ZNF611: variants seen among roughly 807,000 people sequenced by gnomAD.
ZNF611 encodes zinc finger protein 611.
In ZNF611, 6 loss-of-function variants were observed where a neutral mutation model predicts 8.9. The ratio of observed to expected loss-of-function variants is 0.68; its 90% CI spans 0.37 to 1.34. ZNF611 has a LOEUF of 1.34. Ranked by LOEUF, ZNF611 falls within the 40% of genes most tolerant of loss-of-function variation. The pLI is 0.02. For synonymous variants in ZNF611, 262 were observed against 279.7 expected, an observed-to-expected ratio of 0.94 and a Z score of 0.63; for missense variants, 874 against 841.3, an observed-to-expected ratio of 1.04 and a Z score of -0.48.
chr19:52,705,398 G>T lies in ZNF611; in HGVS notation c.1657C>A (p.Leu553Met). Residue 553 changes from leucine to methionine, a missense_variant, in exon 6 of 6, where the codon CTG becomes ATG. Coordinates refer to ENST00000652185, the MANE Select transcript of ZNF611 (RefSeq NM_001161499.2). ...CTATGAATTCTAGTATGTTTTGCCA[G>T]ATAGGAATGACACGCAAAAGCCTTG... ...CDKAFACHSY[L>M]AKHTRIHSGE... 3 of 1,614,160 alleles carry T rather than the reference G, an allele frequency of 1.9e-6. No individual in the cohort carries two copies. Among genetic ancestry groups the T allele is most frequent in the Non-Finnish European group, 2.5e-6 (3 of 1,180,034 alleles).
chr19:52,726,973 C>T (rs534561480), intron 3 of ZNF611, among the ~76,000 whole-genome samples: 1 of 152,122 alleles, frequency 6.6e-6, no homozygotes, highest in East Asian at 1.9e-4. Context: ...TGAAGCTATT[C>T]GTCTGCCTCA....
At chr19:52,720,748 G>A (rs1011804459) in intron 3 of ZNF611, among the ~76,000 whole-genome samples, 9 of 151,490 alleles carry the variant, frequency 5.9e-5, no homozygotes, top group African/African-American at 2.2e-4. Context: ...AGACGGGGTG[G>A]CCAGGCAGAG....
At chr19:52,731,061 AT>A (rs200257033) in intron 1 of ZNF611, among the ~76,000 whole-genome samples, 1 of 150,238 alleles carries the variant, frequency 6.7e-6, no homozygotes, top group African/African-American at 2.5e-5. Context: ...ACCCCTGGCT[AT>A]TTTTTTTTGG....
chr19:52,721,373 C>T (rs1032042461), intron 3 of ZNF611: 6 of 178,296 alleles, frequency 3.4e-5, no homozygotes, highest in South Asian at 1.2e-4. Flanking sequence ...CACGCCACTG[C>T]ACTCTAGCCT....
At chr19:52,711,775 G>C (rs1174472551) in intron 5 of ZNF611, among the ~76,000 whole-genome samples, 1 of 152,148 alleles carries the variant, frequency 6.6e-6, no homozygotes, top group Non-Finnish European at 1.5e-5. Context: ...GAGTAGTGTT[G>C]GAGGGGAGGG....
rs1368259820 is a variant in ZNF611, at chr19:52,722,204, AT to A, written c.-19-6292del. 3.6e-4 allele frequency among the ~76,000 whole-genome samples: 55 copies of A among 152,118 alleles called. 1 individual carries two copies. The highest frequency in any genetic ancestry group is 3.1e-3 in the South Asian group (15 of 4,818). ...TACTGAAACCGTTTCTACAAAAAAA[AT>A]AAAATAAAATAAAAAATAAATAAAT... On this transcript the variant is annotated intron_variant, in intron 3 of 5. Coordinates refer to ENST00000652185, the MANE Select transcript of ZNF611 (RefSeq NM_001161499.2).
chr19:52,734,042 T>A (rs1284918995), intron 1 of ZNF611, among the ~76,000 whole-genome samples: 1 of 151,978 alleles, frequency 6.6e-6, no homozygotes, highest in African/African-American at 2.4e-5. Flanking sequence ...CTGCCCTGGC[T>A]CCAAATCCTT....
intron 1 of ZNF611, among the ~76,000 whole-genome samples, chr19:52,732,930 G>A (rs924201868): frequency 6.6e-6 from 1 of 151,398 alleles, no homozygotes; most frequent in Non-Finnish European, 1.5e-5. Context: ...CACCAGCCTG[G>A]GTGATAGAGT....
In ZNF611 at chr19:52,704,815, T is replaced by C; in HGVS notation, c.*122A>G. ...GTGAAGTCCAGTATGTTGTTCCAGG[T>C]GTGAATCACTCCCAAGTCTTGTCAG... On this transcript the variant is annotated 3_prime_UTR_variant, in exon 6 of 6. Transcript: ENST00000652185. 6.3e-7 allele frequency: 1 copy of C among 1,598,056 alleles called. No homozygotes were observed. Among genetic ancestry groups the C allele is most frequent in the Non-Finnish European group, 8.6e-7 (1 of 1,166,488 alleles).
chr19:52,730,382 A>C (rs2062417861), intron 1 of ZNF611, among the ~76,000 whole-genome samples: 1 of 115,780 alleles, frequency 8.6e-6, no homozygotes, highest in African/African-American at 3.5e-5. Flanking sequence ...ACAGAGCCAG[A>C]CTCCGTCTCA....
At chr19:52,719,121 A>G (rs2062337329) in intron 3 of ZNF611, among the ~76,000 whole-genome samples, 1 of 152,180 alleles carries the variant, frequency 6.6e-6, no homozygotes, top group African/African-American at 2.4e-5. Context: ...GTGAGTCAAG[A>G]TCACTCCACT....
chr19:52,711,608 G>C (rs1030436841), intron 5 of ZNF611, among the ~76,000 whole-genome samples: 1 of 151,754 alleles, frequency 6.6e-6, no homozygotes, highest in African/African-American at 2.4e-5. Flanking sequence ...TACAAGGACT[G>C]AGCTGGGACA....
chr19:52,727,271 GA>G (rs2062399028), intron 3 of ZNF611, among the ~76,000 whole-genome samples: 1 of 152,112 alleles, frequency 6.6e-6, no homozygotes, highest in African/African-American at 2.4e-5. Context: ...AATAGAGAAA[GA>G]AAGAATAACT....
chr19:52,715,898 T>A lies in ZNF611; in HGVS notation c.-4A>T, dbSNP rs764048820. 1 of 1,613,114 alleles carries A rather than the reference T, an allele frequency of 6.2e-7. No individual in the cohort carries two copies. The highest frequency in any genetic ancestry group is 1.7e-5 in the Admixed American group (1 of 59,972). On this transcript the variant is annotated 5_prime_UTR_variant, in exon 4 of 6. Coordinates refer to ENST00000652185, the MANE Select transcript of ZNF611 (RefSeq NM_001161499.2). Reference sequence around the variant, plus strand: ...GAGCTGCTTCCTCACGTAACATGAGTCTTTAGGAATCAATCCTGTATGTGA... The same window carrying A: ...GAGCTGCTTCCTCACGTAACATGAGACTTTAGGAATCAATCCTGTATGTGA...
At chr19:52,712,476 A>C (rs1211036097) in intron 5 of ZNF611, among the ~76,000 whole-genome samples, 1 of 147,558 alleles carries the variant, frequency 6.8e-6, no homozygotes, top group Non-Finnish European at 1.5e-5. Flanking sequence ...AAAAAAAAAA[A>C]AAAAAAAAAA....
At chr19:52,716,204 T>C (rs1426795759) in intron 3 of ZNF611, 9 of 289,580 alleles carry the variant, frequency 3.1e-5, no homozygotes, top group South Asian at 7.0e-5. Flanking sequence ...CCTTCATCAA[T>C]TGCCATCCAG....
chr19:52,704,239 C>G lies in ZNF611; in HGVS notation c.*698G>C. Reference sequence around the variant, plus strand: ...GAATTGACTCCAATGTCAATTAATGCTTGATGGTTTGCTATACTCATTTCA... The same window carrying G: ...GAATTGACTCCAATGTCAATTAATGGTTGATGGTTTGCTATACTCATTTCA... On this transcript the variant is annotated 3_prime_UTR_variant, in exon 6 of 6. Transcript: ENST00000652185. 1 of 441,974 alleles carries G rather than the reference C, an allele frequency of 2.3e-6. No individual in the cohort carries two copies. Among genetic ancestry groups the G allele is most frequent in the Middle Eastern group, 3.5e-4 (1 of 2,838 alleles). The allele number at this position is 441,974 out of a possible 1,614,324, so 27.4% of individuals were successfully genotyped here.
In ZNF611 at chr19:52,706,760, C is replaced by G. The variant is rs755303872; in HGVS notation, c.295G>C (p.Gly99Arg). 2 of 1,614,098 alleles carry G rather than the reference C, an allele frequency of 1.2e-6. No individual in the cohort carries two copies. The highest frequency in any genetic ancestry group is 1.7e-6 in the Non-Finnish European group (2 of 1,180,012). ...TLQRHESHHI[G>R]DFCFQEIEKE... ...TCAATTTCCTGGAAGCAAAAATCTC[C>G]AATGTGATGACTTTCATGTCTTTGC... is the stretch of plus-strand genomic sequence containing the variant. The change falls in exon 6 of 6, where the codon GGA becomes CGA. Residue 99 changes from glycine to arginine, a missense_variant. Physicochemically the swap from Gly to Arg is moderately radical, Grantham distance 125. Transcript: ENST00000652185.
At position 52,706,491 on chromosome 19, in the gene ZNF611, G is replaced by A. The variant is rs139290186; in HGVS notation, c.564C>T (p.Pro188=). The change falls in exon 6 of 6, where the codon CCC becomes CCT. Residue 188 remains proline (P), a synonymous_variant. Transcript: ENST00000652185. ...AAATTCTTTGGAATGTTGAAACTGA[G>A]GGAGCATCATTAGTAGACTTCTCAA... The part of the protein sequence containing the change: ...NQLEKSTNDA[P]SVSTFQRISC... 6.2e-5 allele frequency: 100 copies of A among 1,614,174 alleles called. No homozygotes were observed. Among genetic ancestry groups the A allele is most frequent in the Middle Eastern group, 1.6e-4 (1 of 6,062 alleles).
Sources: allele counts gnomAD v4.1 joint callset (sites outside exome capture counted in the v4.1 genomes callset), GRCh38; gene constraint gnomAD v4.1.1; transcripts MANE v1.5; gene names NCBI Gene and HGNC (gene_info 2026-07-23, HGNC 2026-07-21).